MORN5: variants seen among roughly 807,000 people sequenced by gnomAD.
MORN5 encodes the protein MORN repeat containing 5.
Under a neutral mutation model 22.1 loss-of-function variants are expected in MORN5, and 21 were observed. The observed-to-expected ratio is 0.95, with a 90% confidence interval of 0.67 to 1.37. The LOEUF is 1.37. Ranked by LOEUF, MORN5 falls within the 40% of genes most tolerant of loss-of-function variation. The probability of loss-of-function intolerance (pLI) is 0.00; values close to 1 mark genes in which losing one functional copy is unlikely to be tolerated. For synonymous variants in MORN5, 73 were observed against 74.0 expected (o/e 0.99, Z 0.07); for missense variants, 211 against 215.1 (o/e 0.98, Z 0.12).
At chr9:122,167,763 A>G (rs2098650747) in intron 2 of MORN5, among the ~76,000 whole-genome samples, 2 of 152,208 alleles carry the variant, frequency 1.3e-5, no homozygotes, top group South Asian at 4.1e-4. Context: ...CAAATGTATT[A>G]TCTTACAGTT....
At chr9:122,176,972 GA>G (rs1829460978) in intron 4 of MORN5, among the ~76,000 whole-genome samples, 1 of 152,248 alleles carries the variant, frequency 6.6e-6, no homozygotes, top group African/African-American at 2.4e-5. Flanking sequence ...AGGTAACAGA[GA>G]AAGTAACTGC....
intron 3 of MORN5, among the ~76,000 whole-genome samples, chr9:122,173,659 T>G (rs1384416204): frequency 6.6e-6 from 1 of 152,126 alleles, no homozygotes; most frequent in East Asian, 1.9e-4. Flanking sequence ...GCCATGGCGT[T>G]TCAAGATACA....
At position 122,169,888 on chromosome 9, in the gene MORN5, A is replaced by C. The variant is rs138480941; in HGVS notation, c.307+132A>C. ...AACTGAGCAGGCGTAGAAGAATGCA[A>C]AAGAGCCAGGTCCTGGAGCCAGGAA... On this transcript the variant is annotated intron_variant, in intron 3 of 4. Transcript: ENST00000373764. 6.1e-3 allele frequency: 4,142 copies of C among 681,662 alleles called. 36 individuals are homozygous for C. The highest frequency in any genetic ancestry group is 0.027 in the Admixed American group (1,095 of 40,840). 42.2% of individuals were successfully genotyped at this position (681,662 alleles called of 1,614,324 possible). A position where few individuals can be genotyped will look rare whatever the true frequency, so the allele number is the denominator to read the frequency against.
chr9:122,197,659 G>T lies in MORN5; in HGVS notation c.440-2226G>T, dbSNP rs1019106439. On this transcript the variant is annotated intron_variant, in intron 4 of 4. Coordinates refer to ENST00000373764, the MANE Select transcript of MORN5 (RefSeq NM_198469.4). This position sits in a 1 kb window ranked among gnomAD's most constrained non-coding sequence, Gnocchi z 5.7. ...AAGTCCATTGCTGTCAATTTTTAAC[G>T]ATCAGGGAGGGGCCTGAGGACTGGT... is the stretch of plus-strand genomic sequence containing the variant. Among the ~76,000 whole-genome samples the T allele has an allele frequency of 6.6e-6, 1 of 152,160 alleles. No homozygotes were observed. Among genetic ancestry groups the T allele is most frequent in the African/African-American group, 2.4e-5 (1 of 41,440 alleles).
chr9:122,188,118 A>G (rs2118778136), intron 4 of MORN5, among the ~76,000 whole-genome samples: 1 of 152,304 alleles, frequency 6.6e-6, no homozygotes, highest in South Asian at 2.1e-4. Context: ...AGGCAGAGGG[A>G]CCCAGTGTGG....
At chr9:122,190,566 T>G (rs555759880) in intron 4 of MORN5, among the ~76,000 whole-genome samples, 9 of 152,402 alleles carry the variant, frequency 5.9e-5, no homozygotes, top group African/African-American at 1.7e-4. Context: ...GAGCCAATCA[T>G]CTTTTTCTAA....
intron 4 of MORN5, among the ~76,000 whole-genome samples, chr9:122,185,836 G>A (rs1158243690): frequency 6.6e-6 from 1 of 152,196 alleles, no homozygotes; most frequent in East Asian, 1.9e-4. Flanking sequence ...ACTGCTGGCC[G>A]GAACTCCTTC....
chr9:122,178,148 C>A (rs578189686), intron 4 of MORN5, among the ~76,000 whole-genome samples: 1 of 152,296 alleles, frequency 6.6e-6, no homozygotes, highest in South Asian at 2.1e-4. Context: ...TCTCTTGAGC[C>A]CAGGAGTTTG....
At chr9:122,165,019 T>C (rs749519176) in intron 1 of MORN5, among the ~76,000 whole-genome samples, 27 of 152,190 alleles carry the variant, frequency 1.8e-4, no homozygotes, top group Non-Finnish European at 3.2e-4. Context: ...AAGAAGCTTT[T>C]CTTAAATACA....
At chr9:122,161,904 G>C (rs112430065) in intron 1 of MORN5, among the ~76,000 whole-genome samples, 67 of 152,322 alleles carry the variant, frequency 4.4e-4, no homozygotes, top group African/African-American at 1.6e-3. Flanking sequence ...AACCACGATA[G>C]GGATTCCCAG....
chr9:122,178,036 A>C (rs534078250), intron 4 of MORN5, among the ~76,000 whole-genome samples: 2 of 152,354 alleles, frequency 1.3e-5, no homozygotes, highest in South Asian at 4.1e-4. Flanking sequence ...AGGATAAAAG[A>C]GGAAACAAAA....
In MORN5 at chr9:122,174,786, G is replaced by A. The variant is rs1008506143; in HGVS notation, c.439+159G>A. The stretch of plus-strand genomic sequence containing the variant: ...GGATGTTTTATTTTTTGGACTTCTC[G>A]TGGCTGGCAAATCTGTACATAGTCC... On this transcript the variant is annotated intron_variant, in intron 4 of 4. Coordinates refer to ENST00000373764, the MANE Select transcript of MORN5 (RefSeq NM_198469.4). The A allele has an allele frequency of 3.1e-5, 47 of 1,511,402 alleles. 1 individual carries two copies. In the Middle Eastern group the frequency reaches 9.4e-4, roughly 30 times the overall value. 93.6% of individuals were successfully genotyped at this position (1,511,402 alleles called of 1,614,324 possible).
chr9:122,177,814 A>G (rs376872865), intron 4 of MORN5, among the ~76,000 whole-genome samples: 6 of 152,264 alleles, frequency 3.9e-5, no homozygotes, highest in East Asian at 1.9e-4. Context: ...AGTCTTCTGT[A>G]CAACATTAAC....
chr9:122,173,027 C>T (rs1466108150), intron 3 of MORN5, among the ~76,000 whole-genome samples: 1 of 152,156 alleles, frequency 6.6e-6, no homozygotes, highest in Non-Finnish European at 1.5e-5. Flanking sequence ...GCTCTTCACC[C>T]CAATTAAGGC....
Position 122,169,632 on chromosome 9 carries a change from C to G in MORN5, c.196-13C>G. 4.4e-6 allele frequency: 7 copies of G among 1,598,766 alleles called. No individual in the cohort carries two copies. The highest frequency in any genetic ancestry group is 6.0e-6 in the Non-Finnish European group (7 of 1,165,998). ...GCTTCCTCAGATGCACGTGTGTGCT[C>G]CTTGTCTTCCAGGGCACATATACGT... On this transcript the variant is annotated splice_polypyrimidine_tract_variant and intron_variant, in intron 2 of 4. Transcript: ENST00000373764.
At chr9:122,171,655 G>A (rs1055592751) in intron 3 of MORN5, among the ~76,000 whole-genome samples, 5 of 152,030 alleles carry the variant, frequency 3.3e-5, no homozygotes, top group South Asian at 2.1e-4. Flanking sequence ...CACCCCCACC[G>A]TGATGGCTGC....
chr9:122,169,644 G>C lies in MORN5; in HGVS notation c.196-1G>C. Reference sequence around the variant, plus strand: ...GCACGTGTGTGCTCCTTGTCTTCCAGGGCACATATACGTTCTCAGATGGGC... The same window carrying C: ...GCACGTGTGTGCTCCTTGTCTTCCACGGCACATATACGTTCTCAGATGGGC... On this transcript the variant is annotated splice_acceptor_variant, in intron 2 of 4. Coordinates refer to ENST00000373764, the MANE Select transcript of MORN5 (RefSeq NM_198469.4). LOFTEE classifies it high-confidence loss of function. 1 of 1,610,356 alleles carries C rather than the reference G, an allele frequency of 6.2e-7. No individual in the cohort carries two copies.
At chr9:122,195,105 A>G (rs1014773330) in intron 4 of MORN5, among the ~76,000 whole-genome samples, 3 of 152,182 alleles carry the variant, frequency 2.0e-5, no homozygotes, top group African/African-American at 7.2e-5. Context: ...AATGACATCA[A>G]TCTGGATGTC....
chr9:122,163,184 G>T (rs900644647), intron 1 of MORN5, among the ~76,000 whole-genome samples: 1 of 152,166 alleles, frequency 6.6e-6, no homozygotes, highest in African/African-American at 2.4e-5. Flanking sequence ...CAGACACAGG[G>T]GAGGAAGGGA....
Sources: allele counts gnomAD v4.1 joint callset (sites outside exome capture counted in the v4.1 genomes callset), GRCh38; gene constraint gnomAD v4.1.1; non-coding constraint Gnocchi (gnomAD v3.1); transcripts MANE v1.5; gene names NCBI Gene and HGNC (gene_info 2026-07-23, HGNC 2026-07-21).